The following SLC9A9 variants were observed in gnomAD, a reference collection of about 807,000 sequenced individuals.
SLC9A9 encodes solute carrier family 9 member A9, also known as sodium/hydrogen exchanger 9.
Under a neutral mutation model 77.8 loss-of-function variants are expected in SLC9A9, and 62 were observed. The ratio of observed to expected loss-of-function variants is 0.80; its 90% CI spans 0.65 to 0.98. SLC9A9 has a LOEUF of 0.98. Ranked by LOEUF, SLC9A9 falls within the 50% of genes least tolerant of loss-of-function variation. The pLI, the probability that SLC9A9 is intolerant of heterozygous loss-of-function variation, is 0.00. For missense variants in SLC9A9, 775 were observed against 774.9 expected (o/e 1.00, Z 0.00); for synonymous variants, 320 against 283.5 (o/e 1.13, Z -1.29).
intron 4 of SLC9A9, among the ~76,000 whole-genome samples, chr3:143,743,602 G>A (rs1166425193): frequency 6.6e-6 from 1 of 152,112 alleles, no homozygotes; most frequent in Non-Finnish European, 1.5e-5. Flanking sequence ...GGTTCTATCT[G>A]GGCCTCTAAC....
chr3:143,701,435 A>G (rs1311895106), intron 4 of SLC9A9, among the ~76,000 whole-genome samples: 1 of 152,234 alleles, frequency 6.6e-6, no homozygotes, highest in African/African-American at 2.4e-5. Context: ...TCAGAATTCT[A>G]TCAGATAAAT....
chr3:143,437,330 C>G (rs1316554323), intron 12 of SLC9A9, among the ~76,000 whole-genome samples: 1 of 152,214 alleles, frequency 6.6e-6, no homozygotes, highest in Non-Finnish European at 1.5e-5. Flanking sequence ...CTTGCAAGCC[C>G]TCTCCCCTCA....
intron 14 of SLC9A9, among the ~76,000 whole-genome samples, chr3:143,321,918 C>T (rs182273131): frequency 3.7e-4 from 57 of 152,288 alleles, no homozygotes; most frequent in Non-Finnish European, 2.9e-5. Context: ...CACACAACAT[C>T]TGGATGAGGC....
intron 12 of SLC9A9, among the ~76,000 whole-genome samples, chr3:143,466,086 T>C (rs565922175): frequency 3.3e-5 from 5 of 152,230 alleles, no homozygotes; most frequent in Admixed American, 6.5e-5. Context: ...TCCTACTATG[T>C]GCCAGGCACT....
At chr3:143,608,944 A>G (rs191204720) in intron 6 of SLC9A9, among the ~76,000 whole-genome samples, 54 of 152,208 alleles carry the variant, frequency 3.5e-4, no homozygotes, top group Non-Finnish European at 6.5e-4. Context: ...ATATAGCTGA[A>G]TTATTTTAAA....
At chr3:143,704,383 G>A (rs1486470373) in intron 4 of SLC9A9, among the ~76,000 whole-genome samples, 1 of 152,114 alleles carries the variant, frequency 6.6e-6, no homozygotes, top group East Asian at 1.9e-4. Flanking sequence ...TCATGACGAA[G>A]TGGAATTTAT....
intron 14 of SLC9A9, among the ~76,000 whole-genome samples, chr3:143,333,049 A>G (rs1700960167): frequency 6.6e-6 from 1 of 152,182 alleles, no homozygotes; most frequent in African/African-American, 2.4e-5. Context: ...TTTAAGGGGA[A>G]AACTGATGAG....
chr3:143,769,748 A>T (rs1393976550), intron 4 of SLC9A9, among the ~76,000 whole-genome samples: 1 of 152,210 alleles, frequency 6.6e-6, no homozygotes, highest in South Asian at 2.1e-4. Context: ...AGCAATTTGT[A>T]TTAGATAAAG....
chr3:143,652,493 C>T (rs940321452), intron 5 of SLC9A9, 133 bp from the exon 6 acceptor site: 6 of 726,532 alleles, frequency 8.3e-6, no homozygotes, highest in Non-Finnish European at 1.5e-5. Context: ...AACACCAGAC[C>T]TTTATTCAAA....
intron 9 of SLC9A9, among the ~76,000 whole-genome samples, chr3:143,511,114 C>G (rs1233646645): frequency 6.6e-6 from 1 of 152,206 alleles, no homozygotes; most frequent in Non-Finnish European, 1.5e-5. Flanking sequence ...CTCGCACTTT[C>G]ATCAAGTTGT....
At chr3:143,827,327 T>C (rs2009325009) in intron 2 of SLC9A9, among the ~76,000 whole-genome samples, 1 of 152,224 alleles carries the variant, frequency 6.6e-6, no homozygotes, top group African/African-American at 2.4e-5. Flanking sequence ...GGTCTTGTTT[T>C]ATCCTCTTAG....
chr3:143,500,207 G>A (rs1321184285), intron 9 of SLC9A9, among the ~76,000 whole-genome samples: 1 of 152,030 alleles, frequency 6.6e-6, no homozygotes, highest in Non-Finnish European at 1.5e-5. Context: ...ATCAGTTTTA[G>A]AAAGTTATGT....
Position 143,536,972 on chromosome 3 carries a change from T to C in SLC9A9, c.1089+15390A>G, listed in dbSNP as rs146852677. ...GCACCTCCTGCCAATTGCATCAGAA[T>C]CTCTGGGGGAGCCACTGGCCAGCAA... On this transcript the variant is annotated intron_variant, in intron 9 of 15. Coordinates refer to ENST00000316549, the MANE Select transcript of SLC9A9 (RefSeq NM_173653.4). Among the ~76,000 whole-genome samples the C allele has an allele frequency of 1.1e-3, 160 of 152,156 alleles. 1 individual carries two copies. Among genetic ancestry groups the C allele is most frequent in the African/African-American group, 3.8e-3 (157 of 41,516 alleles).
chr3:143,431,500 T>G (rs78686729), intron 12 of SLC9A9, among the ~76,000 whole-genome samples: 1 of 149,902 alleles, frequency 6.7e-6, no homozygotes, highest in African/African-American at 2.4e-5. Flanking sequence ...TTTTTTTTTT[T>G]GCGATGGAGT....
At chr3:143,286,357 TACAGGCTGTGACC>T (rs1938382361) in intron 14 of SLC9A9, among the ~76,000 whole-genome samples, 2 of 152,158 alleles carry the variant, frequency 1.3e-5, no homozygotes, top group Admixed American at 1.3e-4. Context: ...CTGATGGACA[TACAGGCTGTGACC>T]TTCCTGCAGA....
intron 1 of SLC9A9, among the ~76,000 whole-genome samples, chr3:143,832,713 CT>C (rs11425360): frequency 5.6e-3 from 790 of 141,302 alleles, no homozygotes; most frequent in Middle Eastern, 7.1e-3. Flanking sequence ...CAATATAGTT[CT>C]TTTTTTTTTT....
Position 143,685,565 on chromosome 3 carries a change from A to G in SLC9A9, c.649+7627T>C, listed in dbSNP as rs117710362. ...AATGCAGCTGCATCATGTAAAATGA[A>G]GATACTCTAATCCAAATAGGAAACA... On this transcript the variant is annotated intron_variant, in intron 5 of 15. Transcript: ENST00000316549. Among the ~76,000 whole-genome samples, 3 of 152,284 alleles carry G rather than the reference A, an allele frequency of 2.0e-5. No homozygotes were observed. The East Asian group carries it at 5.8e-4, about 29-fold the overall frequency.
chr3:143,561,038 G>A (rs552658436), intron 8 of SLC9A9, among the ~76,000 whole-genome samples: 3 of 152,148 alleles, frequency 2.0e-5, no homozygotes, highest in South Asian at 2.1e-4. Flanking sequence ...AAAATTAGCC[G>A]GGCGTGGTGG....
chr3:143,774,703 T>TTGTAATATCTTTCAATTCTAA (rs1560073474), intron 4 of SLC9A9, among the ~76,000 whole-genome samples: 1 of 87,084 alleles, frequency 1.1e-5, no homozygotes, highest in African/African-American at 6.7e-5. Context: ...AGTTGAACTA[T>TTGTAATATCTTTCAATTCTAA]ACATTGTAAT....
Sources: gnomAD v4.1 joint callset for allele counts (sites outside exome capture counted in the v4.1 genomes callset) on GRCh38, gnomAD v4.1.1 for gene constraint, MANE v1.5 for transcripts, NCBI Gene and HGNC (gene_info 2026-07-23, HGNC 2026-07-21) for gene names.